Variants in SMG6 observed in about 807,000 individuals in gnomAD.
SMG6 encodes the protein SMG6 nonsense mediated mRNA decay factor, also known as telomerase-binding protein EST1A.
In SMG6, 66 loss-of-function variants were observed where a neutral mutation model predicts 142.2. That is an observed-to-expected ratio of 0.46 (90% confidence interval 0.38 to 0.57). The LOEUF (loss-of-function observed/expected upper bound fraction) is 0.57. Among genes scored for constraint, SMG6 ranks in the 20% least tolerant of loss-of-function variants. The pLI is 0.00. For synonymous variants in SMG6, 779 were observed against 702.4 expected (o/e 1.11, Z -1.72); for missense variants, 1,793 against 1,832.0 (o/e 0.98, Z 0.39).
chr17:2,197,957 G>A (rs555680867), intron 10 of SMG6, among the ~76,000 whole-genome samples: 1 of 152,142 alleles, frequency 6.6e-6, no homozygotes, highest in Non-Finnish European at 1.5e-5. Context: ...CTTATGATAT[G>A]ATCCAGCAAT....
chr17:2,236,576 G>C lies in SMG6; in HGVS notation c.2785C>G (p.His929Asp). The C allele has an allele frequency of 6.2e-7, 1 of 1,613,858 alleles. No individual in the cohort carries two copies. The highest frequency in any genetic ancestry group is 1.1e-5 in the South Asian group (1 of 91,008). The change falls in exon 10 of 19, where the codon CAC (histidine) becomes GAC (aspartate). Residue 929 changes from histidine to aspartate, a missense_variant. This residue lies in a region of SMG6 where 1,597 missense variants were observed against 1,584.6 expected (regional missense o/e 1.01). Transcript: ENST00000263073. ...VLKEFQVLLQ[H>D]SPSPIGSTRM... ...GTACTTCCAATGGGAGAGGGGCTGT[G>C]CTGCAGTAACACCTGGAACTCCTTG...
chr17:2,122,066 G>T (rs2131703), intron 13 of SMG6, among the ~76,000 whole-genome samples: 53,457 of 151,858 alleles, frequency 0.35, 10,284 homozygotes, highest in African/African-American at 0.51. Flanking sequence ...ACTCCTGGCT[G>T]CAAGCAATCT....
At chr17:2,224,470 A>G (rs966702727) in intron 10 of SMG6, among the ~76,000 whole-genome samples, 1 of 152,202 alleles carries the variant, frequency 6.6e-6, no homozygotes, top group Non-Finnish European at 1.5e-5. Context: ...AACATTGTCA[A>G]TGGGGCATAT....
At chr17:2,076,811 C>T (rs767888453) in intron 15 of SMG6, among the ~76,000 whole-genome samples, 1 of 152,190 alleles carries the variant, frequency 6.6e-6, no homozygotes, top group African/African-American at 2.4e-5. Flanking sequence ...GCATGTGGGG[C>T]CTGTTCTTAA....
rs746488653 is a variant in SMG6 at position 2,298,895 on chromosome 17, C to T, written c.1847+11G>A. On this transcript the variant is annotated intron_variant, in intron 2 of 18. Transcript: ENST00000263073. ...CCCATTTCCCTCCAGCCAGAATAGA[C>T]CACATCATACCTGAGTTGCGCCATC... is the stretch of plus-strand genomic sequence containing the variant. 10 of 1,606,830 alleles carry T rather than the reference C, an allele frequency of 6.2e-6. No homozygotes were observed. In the Admixed American group the frequency reaches 6.7e-5, roughly 11 times the overall value.
chr17:2,086,718 C>G (rs983796372), intron 13 of SMG6, among the ~76,000 whole-genome samples: 2 of 152,204 alleles, frequency 1.3e-5, no homozygotes, highest in Admixed American at 6.5e-5. Flanking sequence ...TCTGGGCCCC[C>G]CTTCTGGAGG....
chr17:2,302,842 T>C (rs2075314323), intron 1 of SMG6, among the ~76,000 whole-genome samples: 1 of 152,192 alleles, frequency 6.6e-6, no homozygotes, highest in Admixed American at 6.5e-5. Context: ...CTATTCCTAC[T>C]ACTTTCTAGA....
chr17:2,065,004 G>C, intron 18 of SMG6, 69 bp downstream of exon 18: 1 of 1,253,394 alleles, frequency 8.0e-7, no homozygotes, highest in Non-Finnish European at 1.2e-6. Flanking sequence ...CCTTCTCAGG[G>C]GCTGAGGATG....
At chr17:2,257,692 C>T (rs1330041923) in intron 8 of SMG6, among the ~76,000 whole-genome samples, 1 of 152,034 alleles carries the variant, frequency 6.6e-6, no homozygotes, top group Non-Finnish European at 1.5e-5. Flanking sequence ...TATTTATCTT[C>T]CAGCCCAGTG....
intron 13 of SMG6, among the ~76,000 whole-genome samples, chr17:2,139,758 C>T (rs2070417804): frequency 6.6e-6 from 1 of 151,864 alleles, no homozygotes; most frequent in Non-Finnish European, 1.5e-5. Context: ...TGGAGTTTCG[C>T]TCTGTCACCC....
chr17:2,213,108 C>T, intron 10 of SMG6, among the ~76,000 whole-genome samples: 1 of 152,174 alleles, frequency 6.6e-6, no homozygotes, highest in East Asian at 1.9e-4. Context: ...CTGGGCAAAC[C>T]AGGACTTACA....
At chr17:2,271,316 C>A (rs960721189) in intron 8 of SMG6, among the ~76,000 whole-genome samples, 8 of 151,080 alleles carry the variant, frequency 5.3e-5, no homozygotes, top group African/African-American at 1.9e-4. Flanking sequence ...GTCTTGGACT[C>A]CTGATCTCAA....
intron 12 of SMG6, among the ~76,000 whole-genome samples, chr17:2,182,657 T>G (rs966882727): frequency 6.6e-6 from 1 of 151,990 alleles, no homozygotes. Context: ...GGTCCCCAAG[T>G]CAAACAAGCT....
Position 2,303,710 on chromosome 17 carries a change from C to T in SMG6, c.11G>A (p.Gly4Glu). 1 of 1,493,278 alleles carries T rather than the reference C, an allele frequency of 6.7e-7. No homozygotes were observed. Among genetic ancestry groups the T allele is most frequent in the Non-Finnish European group, 8.9e-7 (1 of 1,127,784 alleles). 92.5% of individuals were successfully genotyped at this position (1,493,278 alleles called of 1,614,324 possible). A position where few individuals can be genotyped will look rare whatever the true frequency, so the allele number is the denominator to read the frequency against. ...CGCGGAGATCCGCACACGCTCCAGC[C>T]CTTCCGCCATCTTCGCGGCTGCTGC... MAE[G>E]LERVRISASE... Residue 4 changes from glycine (G) to glutamate (E), a missense_variant, in exon 1 of 19, where the codon GGG (glycine) becomes GAG (glutamate). Coordinates refer to ENST00000263073, the MANE Select transcript of SMG6 (RefSeq NM_017575.5).
chr17:2,063,021 C>G (rs2067828847), intron 18 of SMG6: 1 of 152,528 alleles, frequency 6.6e-6, no homozygotes. Flanking sequence ...CCAGGCCCCT[C>G]TGCAGATAAG....
At chr17:2,184,879 A>C (rs987543333) in intron 12 of SMG6, among the ~76,000 whole-genome samples, 3 of 137,820 alleles carry the variant, frequency 2.2e-5, no homozygotes, top group African/African-American at 5.4e-5. Context: ...GTAGGAGAAT[A>C]GCTTGAACTC....
At position 2,241,257 on chromosome 17, in the gene SMG6, T is replaced by A. The variant is rs59497161; in HGVS notation, c.2723+3401A>T. Among the ~76,000 whole-genome samples, 6 of 152,230 alleles carry A rather than the reference T, an allele frequency of 3.9e-5. No homozygotes were observed. In the East Asian group the frequency reaches 1.2e-3, roughly 29 times the overall value. On this transcript the variant is annotated intron_variant, in intron 9 of 18. Coordinates refer to ENST00000263073, the MANE Select transcript of SMG6 (RefSeq NM_017575.5). ...ATAACCTGGAACACAGTAAACCACC[T>A]CAGACAAATGAGATATCTATTCATT...
At chr17:2,271,717 A>AAAAAAT (rs559370340) in intron 8 of SMG6, among the ~76,000 whole-genome samples, 77 of 152,236 alleles carry the variant, frequency 5.1e-4, no homozygotes, top group African/African-American at 1.7e-3. Context: ...TCCGTCTCAA[A>AAAAAAT]AAAAATAAAA....
intron 13 of SMG6, among the ~76,000 whole-genome samples, chr17:2,100,281 G>A (rs762046150): frequency 3.3e-5 from 5 of 152,142 alleles, no homozygotes; most frequent in Non-Finnish European, 5.9e-5. Context: ...CAAATGACTC[G>A]CCCGCCTCGG....
Sources: gnomAD v4.1 joint callset for allele counts (sites outside exome capture counted in the v4.1 genomes callset) on GRCh38, gnomAD v4.1.1 for gene constraint, gnomAD v4.1.1 regional missense constraint, MANE v1.5 for transcripts, NCBI Gene and HGNC (gene_info 2026-07-23, HGNC 2026-07-21) for gene names.